CC2D2B: variants seen among roughly 807,000 people sequenced by gnomAD.
CC2D2B encodes coiled-coil and C2 domain containing 2B, also known as protein CC2D2B.
A neutral mutation model predicts 161.2 loss-of-function variants in CC2D2B; 128 were observed. The observed-to-expected ratio is 0.79, with a 90% CI of 0.69 to 0.92. The LOEUF (loss-of-function observed/expected upper bound fraction) is 0.92, where lower values mean the gene tolerates loss of function less well. CC2D2B is among the 40% of genes least tolerant of loss of function. The pLI, the probability that CC2D2B is intolerant of heterozygous loss-of-function variation, is 0.00. For missense variants in CC2D2B, 1,173 were observed against 1,375.1 expected, an observed-to-expected ratio of 0.85 and a Z score of 2.32; for synonymous variants, 391 against 449.8, an observed-to-expected ratio of 0.87 and a Z score of 1.65.
At chr10:95,931,414 C>T (rs561031958) in intron 6 of CC2D2B, among the ~76,000 whole-genome samples, 2 of 152,182 alleles carry the variant, frequency 1.3e-5, no homozygotes, top group South Asian at 2.1e-4. Flanking sequence ...TATTTCTTGT[C>T]TTCTGCTAGC....
chr10:95,927,706 CTTTT>C (rs200310434), intron 6 of CC2D2B, among the ~76,000 whole-genome samples: 1 of 143,444 alleles, frequency 7.0e-6, no homozygotes, highest in East Asian at 2.0e-4. Context: ...TTCTTTCTTT[CTTTT>C]TTTTTTTTTG....
chr10:96,002,603 C>T (rs939608023), intron 24 of CC2D2B, among the ~76,000 whole-genome samples: 9 of 152,142 alleles, frequency 5.9e-5, no homozygotes, highest in East Asian at 1.9e-4. Context: ...TTGCCTGCCC[C>T]GCCCTTTCTT....
At chr10:96,025,174 T>TAAAAAAAA (rs1564683948) in intron 33 of CC2D2B, among the ~76,000 whole-genome samples, 2 of 15,100 alleles carry the variant, frequency 1.3e-4, no homozygotes, top group African/African-American at 5.5e-4. Flanking sequence ...TATATATATA[T>TAAAAAAAA]ATATATATAT....
intron 12 of CC2D2B, among the ~76,000 whole-genome samples, chr10:95,962,506 A>C (rs1042290089): frequency 6.6e-6 from 1 of 152,178 alleles, no homozygotes; most frequent in African/African-American, 2.4e-5. Flanking sequence ...TATAAAGTTA[A>C]ATGTGGAGCC....
chr10:95,915,980 T>C (rs1308413197), intron 2 of CC2D2B, among the ~76,000 whole-genome samples: 4 of 152,076 alleles, frequency 2.6e-5, no homozygotes, highest in Non-Finnish European at 5.9e-5. Flanking sequence ...AGGATTGATA[T>C]TAGTTCTTTA....
chr10:95,966,156 A>C (rs1010940737), intron 13 of CC2D2B, 34 bp from the exon 14 acceptor site: 2 of 849,198 alleles, frequency 2.4e-6, no homozygotes, highest in African/African-American at 3.5e-5. Context: ...AGGGATGTAC[A>C]TGGCAAATCA....
Position 96,003,468 on chromosome 10 carries a change from G to A in CC2D2B, c.2850-684G>A, listed in dbSNP as rs548839123. ...AGTTCTGCTCTTGTTACCCAGGCTG[G>A]AGTGCAGTGGCGTGATCTCGACTCA... On this transcript the variant is annotated intron_variant, in intron 24 of 34. Transcript: ENST00000646931. Among the ~76,000 whole-genome samples, 9 of 152,058 alleles carry A rather than the reference G, an allele frequency of 5.9e-5. No homozygotes were observed. The South Asian group carries it at 1.9e-3, about 32-fold the overall frequency.
Position 95,938,255 on chromosome 10 carries a change from T to G in CC2D2B, c.535+66T>G, listed in dbSNP as rs778478419. On this transcript the variant is annotated intron_variant, in intron 7 of 34. Transcript: ENST00000646931. The stretch of plus-strand genomic sequence containing the variant: ...ATTATGTTATGGGATAATAGCTTTA[T>G]TGTATGCTGGATAAATAAAAAATAC... 6.9e-6 allele frequency: 7 copies of G among 1,021,466 alleles called. 1 individual carries two copies. In the South Asian group the frequency reaches 8.9e-5, roughly 13 times the overall value. The allele number at this position is 1,021,466 out of a possible 1,614,324, so 63.3% of individuals were successfully genotyped here. A position where few individuals can be genotyped will look rare whatever the true frequency, so the allele number is the denominator to read the frequency against.
chr10:96,031,533 G>C (rs2141997909), intron 34 of CC2D2B, among the ~76,000 whole-genome samples: 1 of 152,258 alleles, frequency 6.6e-6, no homozygotes, highest in South Asian at 2.1e-4. Flanking sequence ...TTGCTCTCTA[G>C]AAAGTTTGTG....
chr10:96,025,950 T>C (rs2079752931), intron 33 of CC2D2B, among the ~76,000 whole-genome samples: 1 of 152,164 alleles, frequency 6.6e-6, no homozygotes, highest in East Asian at 1.9e-4. Flanking sequence ...TTCCCAGTTC[T>C]TAACAAAAAA....
At position 95,969,457 on chromosome 10, in the gene CC2D2B, G is replaced by A. The variant is rs183389439; in HGVS notation, c.1644+556G>A. Among the ~76,000 whole-genome samples, 11 of 151,814 alleles carry A rather than the reference G, an allele frequency of 7.2e-5. No homozygotes were observed. In the East Asian group the frequency reaches 9.7e-4, roughly 13 times the overall value. On this transcript the variant is annotated intron_variant, in intron 15 of 34. Transcript: ENST00000646931. Reference sequence around the variant, plus strand: ...TGGAGAAAAATGAGAGACAACAAACGAGTCTAGACAAGAAGTCCTGGTGGC... The same window carrying A: ...TGGAGAAAAATGAGAGACAACAAACAAGTCTAGACAAGAAGTCCTGGTGGC...
intron 15 of CC2D2B, among the ~76,000 whole-genome samples, chr10:95,970,034 T>C (rs1157687875): frequency 6.6e-6 from 1 of 151,692 alleles, no homozygotes; most frequent in African/African-American, 2.4e-5. Flanking sequence ...ACATTTTTAA[T>C]TCTTTTTTTT....
chr10:95,984,933 CTA>C (rs1412702555), intron 19 of CC2D2B, among the ~76,000 whole-genome samples: 1 of 151,824 alleles, frequency 6.6e-6, no homozygotes, highest in Non-Finnish European at 1.5e-5. Flanking sequence ...TTCTACTTTT[CTA>C]TATGTTTGAA....
rs369797565 is a variant in CC2D2B at position 96,011,752 on chromosome 10, TACACAC to T, written c.3046-413_3046-408del. On this transcript the variant is annotated intron_variant, in intron 26 of 34. Coordinates refer to ENST00000646931, the MANE Select transcript of CC2D2B (RefSeq NM_001349008.3). Reference sequence around the variant, plus strand: ...CCTCTTACACACACGCACACACACATACACACACACACACACACACACACAATTTCT... The same window carrying T: ...CCTCTTACACACACGCACACACACATACACACACACACACACACAATTTCT... Among the ~76,000 whole-genome samples, 1,247 of 148,132 alleles carry T rather than the reference TACACAC, an allele frequency of 8.4e-3. 18 individuals carry two copies. Among genetic ancestry groups the T allele is most frequent in the African/African-American group, 0.027 (1,083 of 40,318 alleles).
At chr10:95,967,291 G>A (rs2076972585) in intron 14 of CC2D2B, among the ~76,000 whole-genome samples, 1 of 152,034 alleles carries the variant, frequency 6.6e-6, no homozygotes, top group Non-Finnish European at 1.5e-5. Flanking sequence ...TCTAAACAAG[G>A]GGAAGAATAC....
intron 20 of CC2D2B, among the ~76,000 whole-genome samples, chr10:95,989,791 A>G (rs2077877600): frequency 6.6e-6 from 1 of 152,218 alleles, no homozygotes; most frequent in Admixed American, 6.5e-5. Flanking sequence ...TACAGGTTTG[A>G]AAAATAAAAT....
intron 24 of CC2D2B, among the ~76,000 whole-genome samples, chr10:95,997,004 C>T (rs1286463994): frequency 1.3e-5 from 2 of 152,190 alleles, no homozygotes; most frequent in African/African-American, 4.8e-5. Flanking sequence ...CCACCTTCCA[C>T]TATGTGAAGA....
At chr10:95,993,946 G>GTGTATATA (rs2078109501) in intron 22 of CC2D2B, among the ~76,000 whole-genome samples, 1 of 28,994 alleles carries the variant, frequency 3.4e-5, no homozygotes, top group Non-Finnish European at 8.3e-5. Flanking sequence ...GTGTGTGTAT[G>GTGTATATA]TATGTGTATA....
At chr10:95,983,563 T>TA (rs974764473) in intron 18 of CC2D2B, 43 bp from the exon 19 acceptor site, 35 of 991,792 alleles carry the variant, frequency 3.5e-5, no homozygotes, top group South Asian at 5.2e-5. Flanking sequence ...ATTCCTGAAT[T>TA]AAAAAAAATT....
Sources: gnomAD v4.1 joint callset for allele counts (sites outside exome capture counted in the v4.1 genomes callset) on GRCh38, gnomAD v4.1.1 for gene constraint, MANE v1.5 for transcripts, NCBI Gene and HGNC (gene_info 2026-07-23, HGNC 2026-07-21) for gene names.